The following MTMR8 variants were observed in gnomAD, a reference collection of about 807,000 sequenced individuals.
MTMR8 encodes the protein phosphatidylinositol-3,5-bisphosphate 3-phosphatase MTMR8.
Under a neutral mutation model 39.3 loss-of-function variants are expected in MTMR8, and 65 were observed. That is an observed-to-expected ratio of 1.65 (90% CI 1.35 to 2.03). The LOEUF (loss-of-function observed/expected upper bound fraction) is 2.03, where lower values mean the gene tolerates loss of function less well. Ranked by LOEUF, MTMR8 falls within the 30% of genes most tolerant of loss-of-function variation. The pLI is 0.00. For missense variants in MTMR8, 777 were observed against 538.9 expected, an observed-to-expected ratio of 1.44 and a Z score of -4.37; for synonymous variants, 245 against 185.2, an observed-to-expected ratio of 1.32 and a Z score of -2.62.
chrX:64,296,251 C>A (rs1921575913), intron 12 of MTMR8, among the ~76,000 whole-genome samples: 1 of 111,160 alleles, frequency 9.0e-6, no homozygotes. Context: ...ACATGAGCTA[C>A]CTAGAATAGG....
intron 12 of MTMR8, among the ~76,000 whole-genome samples, chrX:64,295,432 C>T (rs1279442411): frequency 9.0e-6 from 1 of 111,414 alleles, no homozygotes; most frequent in African/African-American, 3.3e-5. Flanking sequence ...CTCAACATGA[C>T]ACTAAAAGCA....
In MTMR8 at chrX:64,268,842, G is replaced by T; in HGVS notation, c.1810C>A (p.Gln604Lys). The change falls in exon 14 of 14, where the codon CAG becomes AAG. Residue 604 changes from glutamine to lysine, a missense_variant. Physicochemically the swap from Gln to Lys is moderately conservative, Grantham distance 53. Transcript: ENST00000374852. ...LRAQMDQVKS[Q>K]GADLHHNCCE... ...CAGTTATGGTGGAGGTCTGCACCCT[G>T]GCTTTTTACTTGATCCATCTGAGCT... The T allele has an allele frequency of 8.3e-7, 1 of 1,211,701 alleles. No homozygotes were observed. Among genetic ancestry groups the T allele is most frequent in the African/African-American group, 1.7e-5 (1 of 57,756 alleles).
intron 12 of MTMR8, among the ~76,000 whole-genome samples, chrX:64,301,478 C>A (rs1370988798): frequency 9.4e-6 from 1 of 106,881 alleles, no homozygotes; most frequent in Non-Finnish European, 1.9e-5. Flanking sequence ...ATACATTCTT[C>A]TAAATTTTTT....
At chrX:64,375,958 C>A (rs748078334) in intron 1 of MTMR8, among the ~76,000 whole-genome samples, 2 of 111,355 alleles carry the variant, frequency 1.8e-5, no homozygotes, top group South Asian at 7.7e-4. Flanking sequence ...CTCACACGAT[C>A]TGGTTGTTTA....
In MTMR8 at chrX:64,354,831, A is replaced by T; in HGVS notation, c.414T>A (p.Arg138=). The change falls in exon 4 of 14, where the codon CGT becomes CGA. Residue 138 remains arginine, a synonymous_variant. Transcript: ENST00000374852. The part of the protein sequence containing the change: ...KLIDPISDFG[R]MGIPNRNWTI... ...TCCAGTTTCTGTTGGGTATTCCCATACGCCCAAAGTCTGATATTGGGTCAA... is the reference window on the plus strand; with the variant it reads ...TCCAGTTTCTGTTGGGTATTCCCATTCGCCCAAAGTCTGATATTGGGTCAA... 1 of 1,206,491 alleles carries T rather than the reference A, an allele frequency of 8.3e-7. No individual in the cohort carries two copies. Among genetic ancestry groups the T allele is most frequent in the Non-Finnish European group, 1.1e-6 (1 of 892,554 alleles).
At chrX:64,336,043 C>G in intron 10 of MTMR8, 36 bp downstream of exon 10, 1 of 1,119,193 alleles carries the variant, frequency 8.9e-7, no homozygotes. Flanking sequence ...AATGAACTAT[C>G]CTCAGCCCCT....
At chrX:64,304,933 TAC>T (rs1192779842) in intron 12 of MTMR8, 3 of 86,732 alleles carry the variant, frequency 3.5e-5, no homozygotes, top group African/African-American at 1.1e-4. Flanking sequence ...TATACACATA[TAC>T]ACACATATAT....
intron 8 of MTMR8, among the ~76,000 whole-genome samples, chrX:64,341,537 T>C (rs1411895769): frequency 9.6e-6 from 1 of 103,837 alleles, no homozygotes; most frequent in Non-Finnish European, 2.0e-5. Context: ...TTTCACAAAG[T>C]ATTAATATGT....
intron 12 of MTMR8, among the ~76,000 whole-genome samples, chrX:64,279,063 G>T (rs1038136512): frequency 9.0e-6 from 1 of 111,720 alleles, no homozygotes; most frequent in African/African-American, 3.3e-5. Context: ...CCCACCTGAG[G>T]AAGCAGTCTG....
chrX:64,386,090 C>G (rs1049523020), intron 1 of MTMR8, among the ~76,000 whole-genome samples: 1 of 110,596 alleles, frequency 9.0e-6, no homozygotes, highest in African/African-American at 3.3e-5. Context: ...TCTGCTTTCA[C>G]CCTGACAAAA....
chrX:64,345,648 T>C (rs1056183637), intron 6 of MTMR8, among the ~76,000 whole-genome samples: 6 of 111,866 alleles, frequency 5.4e-5, no homozygotes, highest in Admixed American at 9.5e-5. Flanking sequence ...TCTCACTCTG[T>C]CATTAAGGCT....
intron 12 of MTMR8, among the ~76,000 whole-genome samples, chrX:64,286,034 G>A (rs921917747): frequency 1.8e-5 from 2 of 111,351 alleles, no homozygotes; most frequent in Non-Finnish European, 3.8e-5. Context: ...AATGAATCCA[G>A]GAACTGAGTT....
rs775824847 is a variant in MTMR8 at position 64,279,223 on chromosome X, G to A, written c.1482-8150C>T. The stretch of plus-strand genomic sequence containing the variant: ...ATTATTTCAAGAAATCAAAAAGGAG[G>A]GCATGCTTCCAAACTCATTTCGTGT... On this transcript the variant is annotated intron_variant, in intron 12 of 13. Coordinates refer to ENST00000374852, the MANE Select transcript of MTMR8 (RefSeq NM_017677.4). Among the ~76,000 whole-genome samples, 322 of 111,790 alleles carry A rather than the reference G, an allele frequency of 2.9e-3. 1 individual carries two copies. The highest frequency in any genetic ancestry group is 0.01 in the African/African-American group (312 of 30,789).
At chrX:64,297,266 T>C (rs1397489586) in intron 12 of MTMR8, among the ~76,000 whole-genome samples, 2 of 106,731 alleles carry the variant, frequency 1.9e-5, no homozygotes, top group African/African-American at 3.4e-5. Context: ...TTTTAATGAT[T>C]GCCATTCTAA....
chrX:64,284,871 G>A (rs894315817), intron 12 of MTMR8, among the ~76,000 whole-genome samples: 1 of 111,908 alleles, frequency 8.9e-6, no homozygotes, highest in African/African-American at 3.2e-5. Flanking sequence ...TGCAAAAACA[G>A]GCTAAATCGT....
At chrX:64,347,731 C>T (rs1261297288) in intron 6 of MTMR8, among the ~76,000 whole-genome samples, 1 of 112,381 alleles carries the variant, frequency 8.9e-6, no homozygotes, top group Non-Finnish European at 1.9e-5. Flanking sequence ...CTTTCTGGGG[C>T]TGTTTGTAAA....
At chrX:64,359,847 C>A (rs192329634) in intron 1 of MTMR8, among the ~76,000 whole-genome samples, 65 of 101,120 alleles carry the variant, frequency 6.4e-4, no homozygotes, top group African/African-American at 2.1e-3. Flanking sequence ...GAAGAAGGTG[C>A]AGTTATTGTA....
At chrX:64,328,928 A>C (rs768695111) in intron 11 of MTMR8, 28 bp from the exon 12 acceptor site, 5 of 1,173,492 alleles carry the variant, frequency 4.3e-6, no homozygotes, top group Non-Finnish European at 2.3e-6. Flanking sequence ...CAAGCCAAAA[A>C]ATTAAAAGCA....
chrX:64,351,461 T>A (rs1045416149), intron 4 of MTMR8, among the ~76,000 whole-genome samples: 10 of 111,426 alleles, frequency 9.0e-5, no homozygotes, highest in African/African-American at 2.3e-4. Flanking sequence ...GCAGGCCTGA[T>A]TGCTACCTGT....
Sources: gnomAD v4.1 joint callset for allele counts (sites outside exome capture counted in the v4.1 genomes callset) on GRCh38, gnomAD v4.1.1 for gene constraint, MANE v1.5 for transcripts, NCBI Gene and HGNC (gene_info 2026-07-23, HGNC 2026-07-21) for gene names.